The following TRPS1 variants were observed in gnomAD, a reference collection of about 807,000 sequenced individuals.
TRPS1 encodes transcriptional repressor GATA binding 1, also known as zinc finger transcription factor Trps1.
A neutral mutation model predicts 101.2 loss-of-function variants in TRPS1; 6 were observed. That is an observed-to-expected ratio of 0.06 (90% CI 0.03 to 0.12). TRPS1 has a LOEUF of 0.12. Ranked by LOEUF, TRPS1 falls within the 10% of genes least tolerant of loss-of-function variation. The probability of loss-of-function intolerance (pLI) is 1.00; values close to 1 mark genes in which losing one functional copy is unlikely to be tolerated. For synonymous variants in TRPS1, 578 were observed against 589.8 expected, an observed-to-expected ratio of 0.98 and a Z score of 0.29; for missense variants, 1,363 against 1,567.0, an observed-to-expected ratio of 0.87 and a Z score of 2.20.
intron 6 of TRPS1, among the ~76,000 whole-genome samples, chr8:115,417,916 C>T (rs1812961131): frequency 6.6e-6 from 1 of 152,142 alleles, no homozygotes; most frequent in East Asian, 1.9e-4. Flanking sequence ...CTAGAAAACA[C>T]GAATTCTTTC....
chr8:115,620,591 G>A (rs1362129674), intron 2 of TRPS1, among the ~76,000 whole-genome samples: 1 of 152,116 alleles, frequency 6.6e-6, no homozygotes, highest in East Asian at 1.9e-4. Flanking sequence ...ATGTAACCGG[G>A]ATGTAAATAT....
At position 115,604,436 on chromosome 8, in the gene TRPS1, T is replaced by G. The variant is rs1333922711; in HGVS notation, c.1533A>C (p.Thr511=). 4 of 1,613,980 alleles carry G rather than the reference T, an allele frequency of 2.5e-6. No homozygotes were observed. Among genetic ancestry groups the G allele is most frequent in the Admixed American group, 3.3e-5 (2 of 59,988 alleles). ...TTTTAGCCCCACTCGAGCTCTTGTC[T>G]GTCTTGGTCATTGTCTCTCCTTCTG... ...KSSEGETMTK[T]DKSSSGAKKK... is the part of the protein sequence containing the mutation. The change falls in exon 4 of 7, where the codon ACA becomes ACC. Residue 511 remains threonine (T), a synonymous_variant. Transcript: ENST00000395715. The surrounding 1 kb of genome is among the most constrained non-coding windows in gnomAD (Gnocchi z 4.1).
At chr8:115,456,289 C>T (rs1485396121) in intron 5 of TRPS1, among the ~76,000 whole-genome samples, 8 of 152,074 alleles carry the variant, frequency 5.3e-5, no homozygotes, top group East Asian at 3.9e-4. Context: ...TTCTATGTTA[C>T]GTGACCCTGA....
chr8:115,602,264 C>T (rs1817925710), intron 4 of TRPS1, among the ~76,000 whole-genome samples: 1 of 152,096 alleles, frequency 6.6e-6, no homozygotes, highest in African/African-American at 2.4e-5. Flanking sequence ...AAAAGTTGTC[C>T]TTGTCCTTTT....
chr8:115,409,386 C>T lies in TRPS1; in HGVS notation c.*4637G>A, dbSNP rs1429381948. On this transcript the variant is annotated 3_prime_UTR_variant, in exon 7 of 7. Coordinates refer to ENST00000395715, the MANE Select transcript of TRPS1 (RefSeq NM_014112.5). Reference sequence around the variant, plus strand: ...CCACGGTAAAGTTATTCCTGCTTTTCTCCGGTGTAGGACAGAGTGAAGCTT... The same window carrying T: ...CCACGGTAAAGTTATTCCTGCTTTTTTCCGGTGTAGGACAGAGTGAAGCTT... The T allele has an allele frequency of 1.3e-5, 2 of 151,168 alleles. No homozygotes were observed. The highest frequency in any genetic ancestry group is 2.9e-5 in the Non-Finnish European group (2 of 67,884). The allele number at this position is 151,168 out of a possible 1,614,324, so 9.4% of individuals were successfully genotyped here. A position where few individuals can be genotyped will look rare whatever the true frequency, so the allele number is the denominator to read the frequency against.
rs556032926 is a variant in TRPS1, at chr8:115,486,203, G to A, written c.2701-67751C>T. 7.9e-5 allele frequency among the ~76,000 whole-genome samples: 12 copies of A among 152,242 alleles called. No homozygotes were observed. The South Asian group carries it at 1.2e-3, about 16-fold the overall frequency. The stretch of plus-strand genomic sequence containing the variant: ...TTACTATAGTATCTTTTATGGTGAT[G>A]TGTGATCTGTGATCTTTGATGTTAC... On this transcript the variant is annotated intron_variant, in intron 5 of 6. Coordinates refer to ENST00000395715, the MANE Select transcript of TRPS1 (RefSeq NM_014112.5).
At chr8:115,491,686 T>TGAAA (rs888107329) in intron 5 of TRPS1, among the ~76,000 whole-genome samples, 2 of 150,534 alleles carry the variant, frequency 1.3e-5, no homozygotes, top group African/African-American at 2.4e-5. Flanking sequence ...AAAGGAAGAA[T>TGAAA]GAAAGAAAGA....
intron 5 of TRPS1, among the ~76,000 whole-genome samples, chr8:115,455,953 T>C (rs1814011750): frequency 6.6e-6 from 1 of 151,440 alleles, no homozygotes; most frequent in African/African-American, 2.4e-5. Flanking sequence ...CCCAGCTAAT[T>C]TTTTGTATTT....
intron 5 of TRPS1, among the ~76,000 whole-genome samples, chr8:115,479,593 G>T (rs1458609472): frequency 6.6e-6 from 1 of 152,042 alleles, no homozygotes; most frequent in Admixed American, 6.6e-5. Flanking sequence ...TAAGGCATTT[G>T]GGTATTTTAT....
At chr8:115,616,897 A>G (rs7834786) in intron 3 of TRPS1, among the ~76,000 whole-genome samples, 9,033 of 152,284 alleles carry the variant, frequency 0.059, 835 homozygotes, top group African/African-American at 0.2. Context: ...TGTTGGTATA[A>G]AAGGAAATTT....
At chr8:115,426,881 A>C (rs1813200420) in intron 5 of TRPS1, among the ~76,000 whole-genome samples, 2 of 152,120 alleles carry the variant, frequency 1.3e-5, no homozygotes, top group Admixed American at 6.5e-5. Flanking sequence ...CCTTTTATTG[A>C]TGAAGTACAA....
At chr8:115,508,498 G>A (rs1815501355) in intron 5 of TRPS1, among the ~76,000 whole-genome samples, 1 of 152,038 alleles carries the variant, frequency 6.6e-6, no homozygotes, top group Non-Finnish European at 1.5e-5. Context: ...ATAGCACCAT[G>A]TTGGAAACAC....
intron 1 of TRPS1, among the ~76,000 whole-genome samples, chr8:115,663,160 T>C (rs1383433860): frequency 6.6e-6 from 1 of 152,082 alleles, no homozygotes; most frequent in Non-Finnish European, 1.5e-5. Flanking sequence ...GCAGGAAAGA[T>C]TTTTAATAAC....
At chr8:115,614,291 C>T (rs1818232365) in intron 3 of TRPS1, among the ~76,000 whole-genome samples, 1 of 152,172 alleles carries the variant, frequency 6.6e-6, no homozygotes, top group South Asian at 2.1e-4. Flanking sequence ...ATTTATTCTC[C>T]TAAACATTCT....
At chr8:115,617,051 C>A (rs763565762) in intron 3 of TRPS1, among the ~76,000 whole-genome samples, 2 of 152,142 alleles carry the variant, frequency 1.3e-5, no homozygotes, top group Non-Finnish European at 2.9e-5. Flanking sequence ...GATTAGCATT[C>A]GATCTACAAG....
intron 5 of TRPS1, chr8:115,515,325 TTAGCTCAC>T: frequency 1.4e-6 from 1 of 693,186 alleles, no homozygotes; most frequent in Non-Finnish European, 2.6e-6. Context: ...AAAGTTAGAA[TTAGCTCAC>T]TATTTAATGT....
In TRPS1 at chr8:115,623,697, T is replaced by G; in HGVS notation, c.-60A>C. 6.3e-7 allele frequency: 1 copy of G among 1,595,372 alleles called. No homozygotes were observed. Reference sequence around the variant, plus strand: ...TATTAGTCAACTAGCAGGAGGCTAATGCAATTGTCTTAGAAGACGCTCAGA... The same window carrying G: ...TATTAGTCAACTAGCAGGAGGCTAAGGCAATTGTCTTAGAAGACGCTCAGA... On this transcript the variant is annotated 5_prime_UTR_variant, in exon 2 of 7. Transcript: ENST00000395715.
chr8:115,503,665 A>G (rs746986491), intron 5 of TRPS1, among the ~76,000 whole-genome samples: 8 of 152,224 alleles, frequency 5.3e-5, no homozygotes, highest in Admixed American at 1.3e-4. Context: ...GAATGTTTAC[A>G]AAACTAAGAG....
chr8:115,655,837 CA>C (rs1247015054), intron 1 of TRPS1, among the ~76,000 whole-genome samples: 1 of 152,044 alleles, frequency 6.6e-6, no homozygotes, highest in African/African-American at 2.4e-5. Flanking sequence ...ATTACACTTT[CA>C]AAATAACACG....
Sources: gnomAD v4.1 joint callset for allele counts (sites outside exome capture counted in the v4.1 genomes callset) on GRCh38, gnomAD v4.1.1 for gene constraint, Gnocchi (gnomAD v3.1) non-coding constraint, MANE v1.5 for transcripts, NCBI Gene and HGNC (gene_info 2026-07-23, HGNC 2026-07-21) for gene names.